BLOC1S5: variants seen among roughly 807,000 people sequenced by gnomAD.
BLOC1S5 encodes the protein biogenesis of lysosome-related organelles complex 1 subunit 5.
BLOC1S5 carries 27 observed loss-of-function variants against 24.3 expected under a neutral mutation model. The ratio of observed to expected loss-of-function variants is 1.11; its 90% confidence interval spans 0.82 to 1.53. The LOEUF (loss-of-function observed/expected upper bound fraction) is 1.53. Among genes scored for constraint, BLOC1S5 ranks in the 40% most tolerant of loss-of-function variants. The pLI is 0.00. For missense variants in BLOC1S5, 239 were observed against 229.4 expected (o/e 1.04, Z -0.27); for synonymous variants, 84 against 74.5 (o/e 1.13, Z -0.66).
At chr6:8,056,284 C>T (rs942144089) in intron 2 of BLOC1S5, among the ~76,000 whole-genome samples, 1 of 152,162 alleles carries the variant, frequency 6.6e-6, no homozygotes, top group Admixed American at 6.5e-5. Flanking sequence ...GGTTGTCTAG[C>T]ACTCAAGGCT....
Position 8,062,601 on chromosome 6 carries a change from T to A in BLOC1S5, c.128A>T (p.His43Leu), listed in dbSNP as rs1188095929. ...HLIIKDLGEI[H>L]SRLLDHRPVI... Reference sequence around the variant, plus strand: ...TGGTCTGTGATCCAAAAGCCTTGAATGAATTTCTCCAAGATCTATAAAGAT... The same window carrying A: ...TGGTCTGTGATCCAAAAGCCTTGAAAGAATTTCTCCAAGATCTATAAAGAT... Residue 43 changes from histidine to leucine, a missense_variant, in exon 2 of 5, where the codon CAT (histidine) becomes CTT (leucine). By Grantham distance (99) the His-to-Leu change is moderately conservative (BLOSUM62 -3). Transcript: ENST00000397457. 20 of 1,599,858 alleles carry A rather than the reference T, an allele frequency of 1.3e-5. No homozygotes were observed. Among genetic ancestry groups the A allele is most frequent in the Non-Finnish European group, 1.7e-5 (20 of 1,170,498 alleles).
chr6:8,014,707 T>G lies in BLOC1S5; in HGVS notation c.*942A>C, dbSNP rs1762679585. 6.6e-6 allele frequency: 1 copy of G among 152,234 alleles called. No homozygotes were observed. The highest frequency in any genetic ancestry group is 2.4e-5 in the African/African-American group (1 of 41,464). 9.4% of individuals were successfully genotyped at this position (152,234 alleles called of 1,614,324 possible). On this transcript the variant is annotated 3_prime_UTR_variant, in exon 5 of 5. Transcript: ENST00000397457. ...AGGATTTACATTTAACATGGACCAT[T>G]TGCTGTGTGGGCAAACACTTCTGGT...
At chr6:8,060,974 G>A (rs1764489832) in intron 2 of BLOC1S5, among the ~76,000 whole-genome samples, 2 of 152,108 alleles carry the variant, frequency 1.3e-5, no homozygotes, top group Non-Finnish European at 2.9e-5. Context: ...ACAGGCACAT[G>A]CCACCATGCC....
intron 4 of BLOC1S5, among the ~76,000 whole-genome samples, chr6:8,022,685 C>G (rs986953915): frequency 2.5e-4 from 35 of 139,156 alleles, no homozygotes; most frequent in Middle Eastern, 7.0e-3. Flanking sequence ...CCCGGGTTCA[C>G]GCCATTCTCC....
rs1260469307 is a variant in BLOC1S5, at chr6:8,013,790, T to C, written c.*1859A>G. On this transcript the variant is annotated 3_prime_UTR_variant, in exon 5 of 5. Coordinates refer to ENST00000397457, the MANE Select transcript of BLOC1S5 (RefSeq NM_201280.3). The stretch of plus-strand genomic sequence containing the variant: ...TTTAAGGCTCCCCTCCCTTTTCATG[T>C]GTGGGATATTTTTGGAAGTATTTCT... 1 of 152,210 alleles carries C rather than the reference T, an allele frequency of 6.6e-6. No homozygotes were observed. Among genetic ancestry groups the C allele is most frequent in the East Asian group, 1.9e-4 (1 of 5,192 alleles). The allele number at this position is 152,210 out of a possible 1,614,324, so 9.4% of individuals were successfully genotyped here. A position where few individuals can be genotyped will look rare whatever the true frequency, so the allele number is the denominator to read the frequency against.
chr6:8,042,033 T>A (rs973311864), intron 2 of BLOC1S5: 2 of 152,228 alleles, frequency 1.3e-5, no homozygotes, highest in African/African-American at 4.8e-5. Flanking sequence ...GCAGCTTTCT[T>A]CTAATTATTT....
intron 1 of BLOC1S5, among the ~76,000 whole-genome samples, 171 bp downstream of exon 1, chr6:8,064,094 G>T (rs2113617255): frequency 6.6e-6 from 1 of 152,318 alleles, no homozygotes; most frequent in Middle Eastern, 3.4e-3. Flanking sequence ...TGGTTGTGGT[G>T]GGACGCATTT....
At chr6:8,051,436 A>G (rs1466073664) in intron 2 of BLOC1S5, among the ~76,000 whole-genome samples, 1 of 152,182 alleles carries the variant, frequency 6.6e-6, no homozygotes, top group East Asian at 1.9e-4. Context: ...AGATTTAAGG[A>G]AAGACACCAT....
At chr6:8,051,165 T>G (rs573699294) in intron 2 of BLOC1S5, among the ~76,000 whole-genome samples, 1 of 142,596 alleles carries the variant, frequency 7.0e-6, no homozygotes, top group South Asian at 2.3e-4. Context: ...TCCAGCCTGG[T>G]GACAGTGAGA....
At chr6:8,016,744 T>C (rs1423874504) in intron 4 of BLOC1S5, among the ~76,000 whole-genome samples, 1 of 151,744 alleles carries the variant, frequency 6.6e-6, no homozygotes, top group Non-Finnish European at 1.5e-5. Flanking sequence ...CGTGCACCTG[T>C]GATCCCAGGG....
chr6:8,035,507 T>C (rs114098117), intron 3 of BLOC1S5, among the ~76,000 whole-genome samples: 5,946 of 152,114 alleles, frequency 0.039, 368 homozygotes, highest in African/African-American at 0.13. Flanking sequence ...GTTCAGTAAA[T>C]GTTAGTTGGG....
chr6:8,033,922 C>T (rs1239141778), intron 3 of BLOC1S5, among the ~76,000 whole-genome samples: 1 of 152,174 alleles, frequency 6.6e-6, no homozygotes, highest in Non-Finnish European at 1.5e-5. Context: ...ATCAAAACCA[C>T]AATGAGATGC....
At chr6:8,046,548 T>A (rs1763906201) in intron 2 of BLOC1S5, among the ~76,000 whole-genome samples, 1 of 152,160 alleles carries the variant, frequency 6.6e-6, no homozygotes, top group Admixed American at 6.5e-5. Flanking sequence ...AGTTTCTGAC[T>A]TTTTCTAATT....
intron 1 of BLOC1S5, 152 bp downstream of exon 1, chr6:8,064,113 G>T: frequency 1.7e-6 from 1 of 578,956 alleles, no homozygotes; most frequent in Non-Finnish European, 2.9e-6. Context: ...TTGGCGCGGG[G>T]AAAAAGGCGG....
intron 3 of BLOC1S5, among the ~76,000 whole-genome samples, chr6:8,036,265 A>C (rs1446049795): frequency 6.6e-6 from 1 of 152,160 alleles, no homozygotes; most frequent in African/African-American, 2.4e-5. Context: ...TGTATCAGAA[A>C]AATAGAAAGA....
chr6:8,028,015 T>C (rs7768727), intron 3 of BLOC1S5, among the ~76,000 whole-genome samples: 5,950 of 152,270 alleles, frequency 0.039, 366 homozygotes, highest in African/African-American at 0.13. Context: ...CCTCTGAGGA[T>C]TTTCCCTATT....
chr6:8,025,622 T>G (rs1369090876), intron 4 of BLOC1S5, among the ~76,000 whole-genome samples: 1 of 152,180 alleles, frequency 6.6e-6, no homozygotes, highest in Non-Finnish European at 1.5e-5. Flanking sequence ...CCATTATATT[T>G]TTATACAGTG....
intron 4 of BLOC1S5, among the ~76,000 whole-genome samples, chr6:8,023,009 T>A (rs1283970545): frequency 6.6e-6 from 1 of 152,236 alleles, no homozygotes; most frequent in Non-Finnish European, 1.5e-5. Flanking sequence ...CATTCATATT[T>A]ACTTCATAAT....
At chr6:8,017,174 T>A (rs1275740105) in intron 4 of BLOC1S5, among the ~76,000 whole-genome samples, 3 of 152,206 alleles carry the variant, frequency 2.0e-5, no homozygotes, top group South Asian at 2.1e-4. Flanking sequence ...TAACTTTATA[T>A]CCCTATTTCA....
Sources: gnomAD v4.1 joint callset for allele counts (sites outside exome capture counted in the v4.1 genomes callset) on GRCh38, gnomAD v4.1.1 for gene constraint, MANE v1.5 for transcripts, NCBI Gene and HGNC (gene_info 2026-07-23, HGNC 2026-07-21) for gene names.